Variants in CCNB1IP1 observed in about 807,000 individuals in gnomAD.
CCNB1IP1 encodes the protein cyclin B1 interacting protein 1.
A neutral mutation model predicts 25.6 loss-of-function variants in CCNB1IP1; 14 were observed. That is an observed-to-expected ratio of 0.55 (90% CI 0.36 to 0.85). The LOEUF (loss-of-function observed/expected upper bound fraction) is 0.85. CCNB1IP1 is among the 40% of genes least tolerant of loss of function. The probability of loss-of-function intolerance (pLI) is 0.01; values close to 1 mark genes in which losing one functional copy is unlikely to be tolerated. For missense variants in CCNB1IP1, 278 were observed against 342.4 expected, an observed-to-expected ratio of 0.81 and a Z score of 1.48; for synonymous variants, 119 against 116.1, an observed-to-expected ratio of 1.02 and a Z score of -0.16.
intron 5 of CCNB1IP1, among the ~76,000 whole-genome samples, chr14:20,315,136 C>CA (rs1159450735): frequency 0.017 from 157 of 9,058 alleles, 16 homozygotes; most frequent in Non-Finnish European, 0.021. Flanking sequence ...TACACCTCAC[C>CA]AAAAAAAAAA....
intron 6 of CCNB1IP1, among the ~76,000 whole-genome samples, chr14:20,312,179 A>G (rs1882514130): frequency 6.6e-6 from 1 of 152,234 alleles, no homozygotes; most frequent in Admixed American, 6.5e-5. Context: ...GTACAAAAAG[A>G]GGAATGGGAA....
chr14:20,326,411 A>G (rs1353053171), intron 3 of CCNB1IP1: 1 of 516,086 alleles, frequency 1.9e-6, no homozygotes, highest in Non-Finnish European at 4.0e-6. Flanking sequence ...ATGAATTCCA[A>G]CAAGCAGAAT....
chr14:20,321,406 AC>A (rs1321902888), intron 4 of CCNB1IP1, among the ~76,000 whole-genome samples: 2 of 152,170 alleles, frequency 1.3e-5, no homozygotes, highest in East Asian at 3.9e-4. Context: ...TTTTAGACAA[AC>A]TACTGAATAT....
At chr14:20,316,662 A>T in intron 4 of CCNB1IP1, 102 bp from the exon 5 acceptor site, 1 of 603,622 alleles carries the variant, frequency 1.7e-6, no homozygotes, top group Non-Finnish European at 2.9e-6. Context: ...AATACTGCAC[A>T]TTTTATTATA....
chr14:20,321,461 T>C lies in CCNB1IP1; in HGVS notation c.-38+4078A>G, dbSNP rs530996575. 2.0e-4 allele frequency among the ~76,000 whole-genome samples: 31 copies of C among 152,244 alleles called. No individual in the cohort carries two copies. The East Asian group carries it at 5.8e-3, about 28-fold the overall frequency. On this transcript the variant is annotated intron_variant, in intron 4 of 6. Transcript: ENST00000358932. ...CGATGAAGCAATTTCAAGAATCTTT[T>C]TTTTTTTTTGAGACGGAGTCTTGCT...
chr14:20,315,961 G>A (rs1462713691), intron 5 of CCNB1IP1: 7 of 461,310 alleles, frequency 1.5e-5, no homozygotes, highest in Non-Finnish European at 2.3e-5. Flanking sequence ...CTTTTATACA[G>A]AAGAGAGAGA....
intron 3 of CCNB1IP1, among the ~76,000 whole-genome samples, chr14:20,326,059 T>C: frequency 6.6e-6 from 1 of 152,362 alleles, no homozygotes; most frequent in East Asian, 1.9e-4. Flanking sequence ...AACTGTATCA[T>C]AACTTTTAAG....
chr14:20,320,804 CAA>C (rs11292210), intron 4 of CCNB1IP1, among the ~76,000 whole-genome samples: 10,391 of 99,662 alleles, frequency 0.1, 490 homozygotes, highest in African/African-American at 0.16. Context: ...GACTCCGTCT[CAA>C]AAAAAAAAAA....
chr14:20,330,841 A>G (rs1395925120), intron 1 of CCNB1IP1: 2 of 152,104 alleles, frequency 1.3e-5, no homozygotes, highest in African/African-American at 4.8e-5. Flanking sequence ...CGGCCTCCCA[A>G]AGTGTTGGGG....
intron 2 of CCNB1IP1, among the ~76,000 whole-genome samples, chr14:20,327,257 G>T (rs1373357603): frequency 1.3e-5 from 2 of 152,042 alleles, no homozygotes; most frequent in Non-Finnish European, 1.5e-5. Context: ...AGAGGAAGGA[G>T]TCAAGAACTT....
At chr14:20,324,023 C>G (rs1393842814) in intron 4 of CCNB1IP1, among the ~76,000 whole-genome samples, 1 of 149,942 alleles carries the variant, frequency 6.7e-6, no homozygotes, top group Admixed American at 6.6e-5. Flanking sequence ...GTACCAAAAT[C>G]AAGATTAACC....
chr14:20,311,404 A>G lies in CCNB1IP1; in HGVS notation c.*146T>C. The G allele has an allele frequency of 1.7e-6, 1 of 578,712 alleles. No homozygotes were observed. The highest frequency in any genetic ancestry group is 3.1e-6 in the Non-Finnish European group (1 of 325,602). 35.8% of individuals were successfully genotyped at this position (578,712 alleles called of 1,614,324 possible). On this transcript the variant is annotated 3_prime_UTR_variant, in exon 7 of 7. Transcript: ENST00000358932. ...CTAAATTATCTTTATTTTTTTTTAG[A>G]AACAGGGTCTCACTCTGTTGCCCAG...
intron 4 of CCNB1IP1, chr14:20,319,172 G>GT (rs1433098967): frequency 6.6e-6 from 1 of 152,220 alleles, no homozygotes; most frequent in African/African-American, 2.4e-5. Context: ...CCCCTGAGTA[G>GT]TGCCAAACCA....
chr14:20,315,550 T>C, intron 5 of CCNB1IP1: 1 of 1,254,788 alleles, frequency 8.0e-7, no homozygotes, highest in Non-Finnish European at 1.0e-6. Flanking sequence ...TAAGTGTATA[T>C]GTAAGATATA....
At chr14:20,314,198 T>G in intron 5 of CCNB1IP1, 1 of 158,940 alleles carries the variant, frequency 6.3e-6, no homozygotes. Context: ...TGTAACTCCC[T>G]ATCCCCTTGC....
At chr14:20,325,696 A>G (rs1182779135) in intron 3 of CCNB1IP1, 43 bp from the exon 4 acceptor site, 3 of 152,080 alleles carry the variant, frequency 2.0e-5, no homozygotes, top group Non-Finnish European at 2.9e-5. Context: ...TCAAGTCCTG[A>G]TGTTACTTTG....
chr14:20,313,727 T>C lies in CCNB1IP1; in HGVS notation c.372A>G (p.Ile124Met), dbSNP rs1882583174. 6.2e-7 allele frequency: 1 copy of C among 1,613,658 alleles called. No homozygotes were observed. The highest frequency in any genetic ancestry group is 1.3e-5 in the African/African-American group (1 of 74,894). The change falls in exon 6 of 7, where the codon ATA (isoleucine) becomes ATG (methionine). Residue 124 changes from isoleucine (I) to methionine (M), a missense_variant. Physicochemically the swap from Ile to Met is conservative, Grantham distance 10 (BLOSUM62 1). Coordinates refer to ENST00000358932, the MANE Select transcript of CCNB1IP1 (RefSeq NM_021178.5). ...AEGHLKQMEK[I>M]YTQQIQSKDV... ...CCTTGCTTTGTATTTGCTGAGTATA[T>C]ATCTTCTCCATCTGTTTCAGATGGC...
chr14:20,327,925 A>G (rs1428070467), intron 2 of CCNB1IP1, among the ~76,000 whole-genome samples: 1 of 152,184 alleles, frequency 6.6e-6, no homozygotes, highest in Non-Finnish European at 1.5e-5. Context: ...ATTAGAGTTA[A>G]AAATTAAATT....
At chr14:20,313,868 C>G in intron 5 of CCNB1IP1, 67 bp from the exon 6 acceptor site, 1 of 1,215,878 alleles carries the variant, frequency 8.2e-7, no homozygotes, top group East Asian at 2.4e-5. Flanking sequence ...AAATGTTATA[C>G]AAACACAAAA....
Sources: gnomAD v4.1 joint callset for allele counts (sites outside exome capture counted in the v4.1 genomes callset) on GRCh38, gnomAD v4.1.1 for gene constraint, MANE v1.5 for transcripts, NCBI Gene and HGNC (gene_info 2026-07-23, HGNC 2026-07-21) for gene names.